The following STPG4 variants were observed in gnomAD, a reference collection of about 807,000 sequenced individuals.
STPG4 encodes protein STPG4.
STPG4 carries 41 observed loss-of-function variants against 31.5 expected under a neutral mutation model. That is an observed-to-expected ratio of 1.30 (90% CI 1.01 to 1.69). The LOEUF (loss-of-function observed/expected upper bound fraction) is 1.69. Among genes scored for constraint, STPG4 ranks in the 40% most tolerant of loss-of-function variants. STPG4 has a pLI of 0.00. For missense variants in STPG4, 375 were observed against 293.4 expected (o/e 1.28, Z -2.03); for synonymous variants, 141 against 103.0 (o/e 1.37, Z -2.24).
At chr2:47,137,050 A>C (rs1405503978) in intron 3 of STPG4, among the ~76,000 whole-genome samples, 1 of 152,190 alleles carries the variant, frequency 6.6e-6, no homozygotes. Flanking sequence ...GAGAGAGGAC[A>C]TCCTTGCCTT....
chr2:47,108,698 T>C (rs1685975158), intron 5 of STPG4: 1 of 153,106 alleles, frequency 6.5e-6, no homozygotes, highest in African/African-American at 2.4e-5. Flanking sequence ...TTCCCTAGTC[T>C]CTGTTTAACT....
intron 3 of STPG4, among the ~76,000 whole-genome samples, chr2:47,138,632 C>T (rs1004224542): frequency 1.3e-5 from 2 of 152,156 alleles, no homozygotes; most frequent in Non-Finnish European, 2.9e-5. Context: ...TCACTGCAAC[C>T]TCTGACTCCC....
Position 47,151,307 on chromosome 2 carries a change from A to C in STPG4, c.350T>G (p.Phe117Cys). 2 of 1,614,144 alleles carry C rather than the reference A, an allele frequency of 1.2e-6. No individual in the cohort carries two copies. The highest frequency in any genetic ancestry group is 2.2e-5 in the South Asian group (2 of 91,070). ...GGGGCTTGGCCGTGGTTTGTCTTTGAATGAGTAAGTAGCCACTTGCTTCTT... is the reference window on the plus strand; with the variant it reads ...GGGGCTTGGCCGTGGTTTGTCTTTGCATGAGTAAGTAGCCACTTGCTTCTT... The part of the protein sequence containing the change: ...LLKKQVATYS[F>C]KDKPRPSPST... The change falls in exon 3 of 7, where the codon TTC becomes TGC. Residue 117 changes from phenylalanine (F) to cysteine (C), a missense_variant. Physicochemically the swap from Phe to Cys is radical, Grantham distance 205. Coordinates refer to ENST00000445927, the MANE Select transcript of STPG4 (RefSeq NM_001163561.2).
chr2:47,115,776 C>T (rs1223310767), intron 5 of STPG4, among the ~76,000 whole-genome samples: 3 of 150,426 alleles, frequency 2.0e-5, no homozygotes, highest in Non-Finnish European at 4.4e-5. Context: ...TCTCAGCCTT[C>T]CTAGTTGCTG....
rs900254997 is a variant in STPG4 at position 47,151,253 on chromosome 2, T to C, written c.399+5A>G. On this transcript the variant is annotated splice_donor_5th_base_variant and intron_variant, in intron 3 of 6. Transcript: ENST00000445927. ...ACACAAAGCAATCTGCCAGTAGCGC[T>C]TTACCTGATCTTTGTCAACTAGTGT... 3.7e-6 allele frequency: 6 copies of C among 1,614,024 alleles called. No individual in the cohort carries two copies. In the African/African-American group the frequency reaches 8.0e-5, roughly 22 times the overall value.
intron 5 of STPG4, among the ~76,000 whole-genome samples, chr2:47,099,309 G>A (rs1353775864): frequency 1.3e-5 from 2 of 152,218 alleles, no homozygotes; most frequent in African/African-American, 4.8e-5. Context: ...CTTGGACAGG[G>A]CTGGCAACTG....
intron 5 of STPG4, among the ~76,000 whole-genome samples, chr2:47,107,771 T>C (rs1210663008): frequency 6.6e-6 from 1 of 152,160 alleles, no homozygotes; most frequent in Non-Finnish European, 1.5e-5. Flanking sequence ...GGAGAACCTT[T>C]ATGTCTAGCT....
chr2:47,102,718 A>G (rs1157970779), intron 5 of STPG4, among the ~76,000 whole-genome samples: 1 of 150,702 alleles, frequency 6.6e-6, no homozygotes, highest in African/African-American at 2.5e-5. Flanking sequence ...AGAAATCTCC[A>G]AAGGACCATA....
chr2:47,139,334 C>T (rs1185715199), intron 3 of STPG4, among the ~76,000 whole-genome samples: 2 of 151,940 alleles, frequency 1.3e-5, no homozygotes, highest in African/African-American at 4.8e-5. Context: ...AAGTAATGCC[C>T]CTCTTCATCC....
chr2:47,105,167 T>G (rs186533983), intron 5 of STPG4, among the ~76,000 whole-genome samples: 207 of 151,998 alleles, frequency 1.4e-3, no homozygotes, highest in Non-Finnish European at 2.5e-3. Context: ...TCTTTATACG[T>G]CACAGAGAGA....
At chr2:47,099,823 A>G (rs1244049568) in intron 5 of STPG4, among the ~76,000 whole-genome samples, 5 of 152,338 alleles carry the variant, frequency 3.3e-5, no homozygotes, top group Non-Finnish European at 1.5e-5. Context: ...CCCCACACTC[A>G]GAGCAGCTGG....
chr2:47,103,822 C>T (rs915718760), intron 5 of STPG4, among the ~76,000 whole-genome samples: 5 of 151,814 alleles, frequency 3.3e-5, no homozygotes, highest in South Asian at 2.1e-4. Flanking sequence ...CACTGAGCCC[C>T]GGGTATGTTT....
At chr2:47,093,076 A>C (rs10187573) in intron 5 of STPG4, among the ~76,000 whole-genome samples, 54,895 of 151,960 alleles carry the variant, frequency 0.36, 11,193 homozygotes, top group African/African-American at 0.57. Flanking sequence ...CAGGTGTGAG[A>C]CACCGCACCC....
chr2:47,123,067 G>A (rs866299928), intron 5 of STPG4, among the ~76,000 whole-genome samples: 2 of 152,000 alleles, frequency 1.3e-5, no homozygotes, highest in South Asian at 2.1e-4. Flanking sequence ...CTCAAATGAT[G>A]CGCCTGCCTC....
chr2:47,090,242 G>A lies in STPG4; in HGVS notation c.624+28C>T, dbSNP rs1429117228. The stretch of plus-strand genomic sequence containing the variant: ...ACCATAACCATACCCCTAGGGGTGG[G>A]GGGCGATCTGTCTTTCCGAATACTT... On this transcript the variant is annotated intron_variant, in intron 6 of 6. Coordinates refer to ENST00000445927, the MANE Select transcript of STPG4 (RefSeq NM_001163561.2). 3 of 1,477,342 alleles carry A rather than the reference G, an allele frequency of 2.0e-6. No individual in the cohort carries two copies. The South Asian group carries it at 3.6e-5, about 18-fold the overall frequency. 91.5% of individuals were successfully genotyped at this position (1,477,342 alleles called of 1,614,324 possible). A position where few individuals can be genotyped will look rare whatever the true frequency, so the allele number is the denominator to read the frequency against.
intron 5 of STPG4, among the ~76,000 whole-genome samples, chr2:47,120,855 G>T (rs1686255471): frequency 6.6e-6 from 1 of 152,138 alleles, no homozygotes; most frequent in Admixed American, 6.5e-5. Context: ...GGGGCATCCA[G>T]GTCCCTAAGA....
At chr2:47,124,019 G>C (rs1316969889) in intron 5 of STPG4, among the ~76,000 whole-genome samples, 2 of 151,784 alleles carry the variant, frequency 1.3e-5, no homozygotes. Context: ...GTCTCACTCT[G>C]TTGCCCATTC....
chr2:47,150,343 T>C (rs1686910801), intron 3 of STPG4, among the ~76,000 whole-genome samples: 1 of 152,130 alleles, frequency 6.6e-6, no homozygotes, highest in Non-Finnish European at 1.5e-5. Flanking sequence ...CTGTCCTGTA[T>C]TGTTGCTTAA....
chr2:47,108,063 A>T (rs1432820784), intron 5 of STPG4, among the ~76,000 whole-genome samples: 1 of 150,908 alleles, frequency 6.6e-6, no homozygotes, highest in Admixed American at 6.6e-5. Flanking sequence ...GTATCTAGCT[A>T]CTCTGGTGGG....
Sources: gnomAD v4.1 joint callset for allele counts (sites outside exome capture counted in the v4.1 genomes callset) on GRCh38, gnomAD v4.1.1 for gene constraint, MANE v1.5 for transcripts, NCBI Gene and HGNC (gene_info 2026-07-23, HGNC 2026-07-21) for gene names.